Variants in SRPK2 observed in about 807,000 individuals in gnomAD.
The protein encoded by SRPK2 is SRSF protein kinase 2.
SRPK2 carries 21 observed loss-of-function variants against 90.8 expected under a neutral mutation model. The ratio of observed to expected loss-of-function variants is 0.23; its 90% CI spans 0.16 to 0.33. The LOEUF (loss-of-function observed/expected upper bound fraction) is 0.33. SRPK2 is among the 10% of genes least tolerant of loss of function. The pLI is 1.00. For synonymous variants in SRPK2, 288 were observed against 311.1 expected, an observed-to-expected ratio of 0.93 and a Z score of 0.78; for missense variants, 620 against 869.0, an observed-to-expected ratio of 0.71 and a Z score of 3.60.
intron 7 of SRPK2, among the ~76,000 whole-genome samples, chr7:105,159,871 A>G (rs951995557): frequency 1.4e-4 from 22 of 152,226 alleles, no homozygotes; most frequent in Non-Finnish European, 1.0e-4. Flanking sequence ...ATATATTAGT[A>G]GTGTACATGT....
intron 2 of SRPK2, among the ~76,000 whole-genome samples, chr7:105,271,890 T>C (rs947155452): frequency 6.6e-6 from 1 of 152,238 alleles, no homozygotes; most frequent in African/African-American, 2.4e-5. Context: ...CTTTTCCTTG[T>C]TAAATTCTGG....
intron 2 of SRPK2, among the ~76,000 whole-genome samples, chr7:105,225,950 T>A (rs950439605): frequency 6.6e-6 from 1 of 152,196 alleles, no homozygotes; most frequent in Non-Finnish European, 1.5e-5. Context: ...AACAGCCACA[T>A]GCGGGGGTTA....
chr7:105,117,779 T>G lies in SRPK2; in HGVS notation c.*59A>C. On this transcript the variant is annotated 3_prime_UTR_variant, in exon 16 of 16. Coordinates refer to ENST00000393651, the MANE Select transcript of SRPK2 (RefSeq NM_182692.3). ...TCCTGTTAAAGAATGAGAGTCACCG[T>G]TTAGGTCCAATGTACTGGGAACATT... 2 of 1,566,190 alleles carry G rather than the reference T, an allele frequency of 1.3e-6. No homozygotes were observed. The highest frequency in any genetic ancestry group is 1.8e-6 in the Non-Finnish European group (2 of 1,141,492).
At chr7:105,171,084 G>C (rs1791072714) in intron 3 of SRPK2, among the ~76,000 whole-genome samples, 1 of 151,650 alleles carries the variant, frequency 6.6e-6, no homozygotes, top group African/African-American at 2.4e-5. Flanking sequence ...AAAGGGGAGG[G>C]GAGGGGAGGG....
At chr7:105,338,553 C>A (rs890051984) in intron 2 of SRPK2, among the ~76,000 whole-genome samples, 1 of 152,098 alleles carries the variant, frequency 6.6e-6, no homozygotes, top group South Asian at 2.1e-4. Context: ...CACTGTGCCC[C>A]GCAGATTTTT....
intron 3 of SRPK2, among the ~76,000 whole-genome samples, chr7:105,184,348 A>G (rs892999168): frequency 1.3e-5 from 2 of 152,142 alleles, no homozygotes; most frequent in African/African-American, 4.8e-5. Flanking sequence ...TCTTTAGGAT[A>G]CCTTGACAGA....
At chr7:105,271,083 T>C (rs1805771147) in intron 2 of SRPK2, among the ~76,000 whole-genome samples, 1 of 152,214 alleles carries the variant, frequency 6.6e-6, no homozygotes, top group Non-Finnish European at 1.5e-5. Context: ...CCTCCCTTCC[T>C]AGAGAATTGT....
At chr7:105,295,414 T>G (rs1274491748) in intron 2 of SRPK2, among the ~76,000 whole-genome samples, 1 of 152,128 alleles carries the variant, frequency 6.6e-6, no homozygotes, top group Non-Finnish European at 1.5e-5. Context: ...TGTGTTAAAC[T>G]AAATGCATTA....
chr7:105,245,002 G>T (rs1209418356), intron 2 of SRPK2: 4 of 863,734 alleles, frequency 4.6e-6, no homozygotes, highest in Non-Finnish European at 7.4e-6. Flanking sequence ...CTGAAATAAA[G>T]AACAGCTTGA....
At chr7:105,237,964 A>G (rs1800336559) in intron 2 of SRPK2, among the ~76,000 whole-genome samples, 1 of 152,242 alleles carries the variant, frequency 6.6e-6, no homozygotes. Context: ...ATTATTATTA[A>G]GTTTGACACA....
At chr7:105,268,839 G>T in intron 2 of SRPK2, 1 of 1,596,588 alleles carries the variant, frequency 6.3e-7, no homozygotes. Context: ...AGAGTTAACT[G>T]ACATCAGCAG....
At chr7:105,190,574 C>G (rs1794154750) in intron 3 of SRPK2, among the ~76,000 whole-genome samples, 1 of 152,104 alleles carries the variant, frequency 6.6e-6, no homozygotes, top group Non-Finnish European at 1.5e-5. Context: ...GGTTTGGGAA[C>G]AGTCCACCAA....
intron 3 of SRPK2, among the ~76,000 whole-genome samples, chr7:105,180,550 G>A (rs1792640492): frequency 1.3e-5 from 2 of 152,218 alleles, no homozygotes; most frequent in Non-Finnish European, 1.5e-5. Context: ...GAGGTTGGGA[G>A]TTCGAGACCA....
At chr7:105,167,313 G>C in intron 6 of SRPK2, 64 bp downstream of exon 6, 2 of 1,359,400 alleles carry the variant, frequency 1.5e-6, no homozygotes, top group Non-Finnish European at 2.1e-6. Context: ...GAGATTATAG[G>C]AGCTTGAAAT....
intron 2 of SRPK2, among the ~76,000 whole-genome samples, chr7:105,360,270 G>C (rs1585880942): frequency 6.6e-6 from 1 of 152,138 alleles, no homozygotes; most frequent in African/African-American, 2.4e-5. Context: ...GAGACTATGT[G>C]TGTCTCTGAA....
At chr7:105,305,605 G>A (rs1299246880) in intron 2 of SRPK2, among the ~76,000 whole-genome samples, 3 of 152,122 alleles carry the variant, frequency 2.0e-5, no homozygotes, top group Non-Finnish European at 4.4e-5. Context: ...GGGAGAGTCA[G>A]TGTTGAATTA....
intron 3 of SRPK2, among the ~76,000 whole-genome samples, chr7:105,185,022 T>G (rs1228605973): frequency 6.6e-6 from 1 of 152,152 alleles, no homozygotes; most frequent in African/African-American, 2.4e-5. Flanking sequence ...TGAGCTTGAG[T>G]ACATGAACTT....
At chr7:105,277,365 T>A (rs978727186) in intron 2 of SRPK2, among the ~76,000 whole-genome samples, 1 of 152,186 alleles carries the variant, frequency 6.6e-6, no homozygotes, top group Non-Finnish European at 1.5e-5. Context: ...CGTGAGCCAC[T>A]GCGCCCGGCC....
At chr7:105,270,405 C>A (rs1283683466) in intron 2 of SRPK2, among the ~76,000 whole-genome samples, 1 of 114,068 alleles carries the variant, frequency 8.8e-6, no homozygotes, top group Admixed American at 9.9e-5. Flanking sequence ...ACAGCCTCCT[C>A]TGCCCTTTTT....
Sources: allele counts gnomAD v4.1 joint callset (sites outside exome capture counted in the v4.1 genomes callset), GRCh38; gene constraint gnomAD v4.1.1; transcripts MANE v1.5; gene names NCBI Gene and HGNC (gene_info 2026-07-23, HGNC 2026-07-21).